ARHGEF28: variants seen among roughly 807,000 people sequenced by gnomAD.
The protein encoded by ARHGEF28 is 190 kDa guanine nucleotide exchange factor.
ARHGEF28 carries 152 observed loss-of-function variants against 206.6 expected under a neutral mutation model. The observed-to-expected ratio is 0.74, with a 90% confidence interval of 0.64 to 0.84. The LOEUF (loss-of-function observed/expected upper bound fraction) is 0.84. Ranked by LOEUF, ARHGEF28 falls within the 40% of genes least tolerant of loss-of-function variation. The pLI is 0.00. For synonymous variants in ARHGEF28, 763 were observed against 776.4 expected, an observed-to-expected ratio of 0.98 and a Z score of 0.29; for missense variants, 2,028 against 2,073.2, an observed-to-expected ratio of 0.98 and a Z score of 0.42.
rs1469726907 is a variant in ARHGEF28 at position 73,858,209 on chromosome 5, G to A, written c.2037G>A (p.Leu679=). 3.1e-6 allele frequency: 5 copies of A among 1,596,718 alleles called. No homozygotes were observed. The highest frequency in any genetic ancestry group is 1.8e-5 in the Admixed American group (1 of 55,102). The change falls in exon 16 of 36, where the codon CTG becomes CTA. Residue 679 remains leucine (L), a synonymous_variant. Transcript: ENST00000513042. ...AAACACTCCTGGGGAAAGAGTCACT[G>A]CAGTGTTCTAGTAAGTTCTCAGGTC... The part of the protein sequence containing the change: ...CDKTLLGKES[L]QCSNCNANVH...
chr5:73,795,520 T>A, intron 9 of ARHGEF28, 129 bp downstream of exon 9: 1 of 769,778 alleles, frequency 1.3e-6, no homozygotes, highest in African/African-American at 1.7e-5. Context: ...CTGAAACGCA[T>A]CCAGATAAAT....
At chr5:73,913,851 A>G (rs1228272402) in intron 35 of ARHGEF28, among the ~76,000 whole-genome samples, 1 of 152,214 alleles carries the variant, frequency 6.6e-6, no homozygotes, top group African/African-American at 2.4e-5. Flanking sequence ...TTCAGGCTTC[A>G]GTCACTCTTT....
chr5:73,845,055 T>C (rs1040538930), intron 11 of ARHGEF28, among the ~76,000 whole-genome samples: 1 of 150,218 alleles, frequency 6.7e-6, no homozygotes, highest in African/African-American at 2.5e-5. Flanking sequence ...TCTTGCTCTT[T>C]TGCCCAGGCT....
chr5:73,899,253 T>G (rs371416227), intron 30 of ARHGEF28: 1 of 152,164 alleles, frequency 6.6e-6, no homozygotes, highest in East Asian at 1.9e-4. Context: ...TTGAGGAGTC[T>G]CTGTCTAAAA....
intron 1 of ARHGEF28, among the ~76,000 whole-genome samples, chr5:73,633,250 G>T (rs1743478810): frequency 6.6e-6 from 1 of 152,154 alleles, no homozygotes; most frequent in Admixed American, 6.5e-5. Context: ...GTGTGACCTG[G>T]TTCCTAACAG....
chr5:73,766,400 G>T (rs1249353665), intron 4 of ARHGEF28, among the ~76,000 whole-genome samples: 1 of 152,114 alleles, frequency 6.6e-6, no homozygotes, highest in Non-Finnish European at 1.5e-5. Context: ...AAGTAATGTA[G>T]GTTAAAAATA....
intron 29 of ARHGEF28, 29 bp from the exon 30 acceptor site, chr5:73,897,933 A>G: frequency 6.5e-7 from 1 of 1,546,058 alleles, no homozygotes; most frequent in Non-Finnish European, 8.7e-7. Flanking sequence ...TTTGTTTTTT[A>G]GATTTATTTT....
intron 9 of ARHGEF28, among the ~76,000 whole-genome samples, chr5:73,820,958 G>T (rs1219689509): frequency 6.6e-6 from 1 of 152,062 alleles, no homozygotes; most frequent in Non-Finnish European, 1.5e-5. Flanking sequence ...GATGGAAGCA[G>T]GAAAAACCCA....
At chr5:73,739,016 A>G (rs1056095899) in intron 2 of ARHGEF28, among the ~76,000 whole-genome samples, 4 of 152,232 alleles carry the variant, frequency 2.6e-5, no homozygotes, top group Admixed American at 6.5e-5. Context: ...TTCTTAGGCC[A>G]TTAGTGACTT....
At position 73,883,831 on chromosome 5, in the gene ARHGEF28, A is replaced by G. The variant is rs376226626; in HGVS notation, c.3002A>G (p.Gln1001Arg). ...CCAGAATGCATTCTGTTGGTCACTC[A>G]GCGTATTACAAAATACCCTGTCTTG... ...GIPECILLVTQRITKYPVLVE... is the reference protein window; with the variant it reads ...GIPECILLVTRRITKYPVLVE... Residue 1001 changes from glutamine to arginine, a missense_variant, in exon 24 of 36, where the codon CAG (glutamine) becomes CGG (arginine). Transcript: ENST00000513042. 2 of 1,580,348 alleles carry G rather than the reference A, an allele frequency of 1.3e-6. No homozygotes were observed. Among genetic ancestry groups the G allele is most frequent in the African/African-American group, 1.3e-5 (1 of 74,154 alleles).
At chr5:73,838,177 A>T (rs1757776502) in intron 10 of ARHGEF28, among the ~76,000 whole-genome samples, 1 of 152,264 alleles carries the variant, frequency 6.6e-6, no homozygotes. Flanking sequence ...AACATAGCAG[A>T]TTGCCAAGTT....
chr5:73,762,033 A>C (rs563266697), intron 4 of ARHGEF28, among the ~76,000 whole-genome samples: 1 of 145,508 alleles, frequency 6.9e-6, no homozygotes, highest in Non-Finnish European at 1.5e-5. Flanking sequence ...AGGTCTTGCT[A>C]TATTTCTCAG....
intron 9 of ARHGEF28, among the ~76,000 whole-genome samples, chr5:73,825,067 CTG>C (rs1756823633): frequency 1.3e-5 from 2 of 152,162 alleles, no homozygotes; most frequent in Non-Finnish European, 2.9e-5. Flanking sequence ...CACTGCCTGC[CTG>C]TATGGTTCTA....
chr5:73,855,653 A>C (rs560936391), intron 14 of ARHGEF28, among the ~76,000 whole-genome samples: 103 of 151,736 alleles, frequency 6.8e-4, no homozygotes, highest in African/African-American at 2.4e-3. Flanking sequence ...AATCACTTGA[A>C]CCTGGGAGCC....
chr5:73,940,653 A>G lies in ARHGEF28; in HGVS notation c.4949-191A>G, dbSNP rs887866587. On this transcript the variant is annotated intron_variant, in intron 35 of 35. Coordinates refer to ENST00000513042, the MANE Select transcript of ARHGEF28 (RefSeq NM_001177693.2). ...GTCACAGGAGACATTTGTGCACACA[A>G]TCGAACATATCTTAATGATATTGAT... 5.9e-5 allele frequency among the ~76,000 whole-genome samples: 9 copies of G among 152,240 alleles called. No homozygotes were observed. In the East Asian group the frequency reaches 1.2e-3, roughly 20 times the overall value.
chr5:73,886,146 T>G (rs1355684732), intron 25 of ARHGEF28, 42 bp downstream of exon 25: 1 of 1,560,430 alleles, frequency 6.4e-7, no homozygotes, highest in African/African-American at 1.4e-5. Context: ...TTCATACACA[T>G]TATTCATTTA....
intron 1 of ARHGEF28, among the ~76,000 whole-genome samples, chr5:73,641,091 C>A (rs955905809): frequency 6.6e-5 from 10 of 152,194 alleles, no homozygotes; most frequent in African/African-American, 2.4e-4. Context: ...GTTCTGTACT[C>A]ATGGTCACAA....
At chr5:73,906,655 C>T (rs2931425) in intron 33 of ARHGEF28, among the ~76,000 whole-genome samples, 66,540 of 152,096 alleles carry the variant, frequency 0.44, 14,785 homozygotes, top group Middle Eastern at 0.47. Flanking sequence ...AAAAGAACAT[C>T]GGTCAGTCAT....
chr5:73,742,566 T>A (rs899739854), intron 2 of ARHGEF28, among the ~76,000 whole-genome samples: 3 of 151,792 alleles, frequency 2.0e-5, no homozygotes, highest in African/African-American at 7.3e-5. Context: ...GGCTCACGCC[T>A]GTAATCCCAG....
Sources: allele counts gnomAD v4.1 joint callset (sites outside exome capture counted in the v4.1 genomes callset), GRCh38; gene constraint gnomAD v4.1.1; transcripts MANE v1.5; gene names NCBI Gene and HGNC (gene_info 2026-07-23, HGNC 2026-07-21).